PTPN18: variants seen among roughly 807,000 people sequenced by gnomAD.
The protein encoded by PTPN18 is protein tyrosine phosphatase non-receptor type 18, also known as tyrosine-protein phosphatase non-receptor type 18.
PTPN18 carries 65 observed loss-of-function variants against 65.4 expected under a neutral mutation model. The ratio of observed to expected loss-of-function variants is 0.99; its 90% CI spans 0.81 to 1.22. The LOEUF (loss-of-function observed/expected upper bound fraction) is 1.22. Among genes scored for constraint, PTPN18 ranks in the 50% most tolerant of loss-of-function variants. The pLI, the probability that PTPN18 is intolerant of heterozygous loss-of-function variation, is 0.00. For synonymous variants in PTPN18, 255 were observed against 267.8 expected, an observed-to-expected ratio of 0.95 and a Z score of 0.47; for missense variants, 616 against 646.5, an observed-to-expected ratio of 0.95 and a Z score of 0.51.
intron 12 of PTPN18, 184 bp from the exon 13 acceptor site, chr2:130,372,073 T>TCCC: frequency 1.8e-6 from 1 of 546,604 alleles, no homozygotes; most frequent in South Asian, 2.3e-5. Context: ...TCCTCCTTCA[T>TCCC]CCCCCTAACT....
At chr2:130,359,820 C>T (rs1680139543) in intron 5 of PTPN18, 174 bp downstream of exon 5, 2 of 780,816 alleles carry the variant, frequency 2.6e-6, no homozygotes, top group Non-Finnish European at 4.1e-6. Flanking sequence ...TATTCATCCC[C>T]CAGTGTTGGC....
chr2:130,369,264 A>T, intron 6 of PTPN18, 63 bp downstream of exon 6: 2 of 1,471,500 alleles, frequency 1.4e-6, no homozygotes, highest in Non-Finnish European at 1.9e-6. Context: ...TGGGCCTAAA[A>T]GGTTGAATGA....
chr2:130,372,985 G>A lies in PTPN18; in HGVS notation c.1315+38G>A, dbSNP rs57702732. The A allele has an allele frequency of 5.3e-3, 8,512 of 1,610,844 alleles. 381 individuals carry two copies. In the African/African-American group the frequency reaches 0.1, roughly 19 times the overall value. On this transcript the variant is annotated intron_variant, in intron 14 of 14. Coordinates refer to ENST00000175756, the MANE Select transcript of PTPN18 (RefSeq NM_014369.4). ...GAGCCTGGGTTGCTGGGACTTTGCT[G>A]CTTTGAGTGAACCCAGGAGTCTGGG...
At chr2:130,369,997 C>CT (rs766733377) in intron 7 of PTPN18, 51 bp from the exon 8 acceptor site, 3 of 1,604,802 alleles carry the variant, frequency 1.9e-6, no homozygotes, top group South Asian at 2.2e-5. Flanking sequence ...CCAATTAATG[C>CT]TTTTTTCTTT....
At chr2:130,370,525 C>G in intron 8 of PTPN18, 32 bp from the exon 9 acceptor site, 1 of 1,613,954 alleles carries the variant, frequency 6.2e-7, no homozygotes, top group South Asian at 1.1e-5. Flanking sequence ...GTGGTCAGGA[C>G]CTGACCAGGC....
chr2:130,372,157 G>A (rs572676743), intron 12 of PTPN18, 100 bp from the exon 13 acceptor site: 2 of 1,192,154 alleles, frequency 1.7e-6, no homozygotes, highest in Non-Finnish European at 2.3e-6. Context: ...GCACCGCCTC[G>A]GCGGGAAGGA....
Position 130,373,462 on chromosome 2 carries a change from T to A in PTPN18, c.*238T>A. The A allele has an allele frequency of 2.3e-6, 1 of 426,844 alleles. No individual in the cohort carries two copies. The highest frequency in any genetic ancestry group is 4.1e-5 in the Admixed American group (1 of 24,146). 26.4% of individuals were successfully genotyped at this position (426,844 alleles called of 1,614,324 possible). A position where few individuals can be genotyped will look rare whatever the true frequency, so the allele number is the denominator to read the frequency against. On this transcript the variant is annotated 3_prime_UTR_variant, in exon 15 of 15. Coordinates refer to ENST00000175756, the MANE Select transcript of PTPN18 (RefSeq NM_014369.4). This position sits in a 1 kb window ranked among gnomAD's most constrained non-coding sequence, Gnocchi z 4.1. Reference sequence around the variant, plus strand: ...CACAGAGCAGATTCAAGAAAGAAGATCAGGAAGGGGCATGACCCCTGAGTT... The same window carrying A: ...CACAGAGCAGATTCAAGAAAGAAGAACAGGAAGGGGCATGACCCCTGAGTT...
At chr2:130,368,059 C>A (rs554147086) in intron 5 of PTPN18, among the ~76,000 whole-genome samples, 2 of 151,260 alleles carry the variant, frequency 1.3e-5, no homozygotes, top group African/African-American at 4.9e-5. Flanking sequence ...TTTTATTTTT[C>A]CTCTTTATAA....
At chr2:130,357,569 A>T (rs963866124) in intron 1 of PTPN18, among the ~76,000 whole-genome samples, 1 of 152,240 alleles carries the variant, frequency 6.6e-6, no homozygotes, top group Non-Finnish European at 1.5e-5. Context: ...AAAATATGTA[A>T]CAGATGGCCG....
At chr2:130,368,870 C>T (rs1680465212) in intron 5 of PTPN18, 1 of 338,146 alleles carries the variant, frequency 3.0e-6, no homozygotes. Flanking sequence ...AATAGTGGCT[C>T]ATGTATTTTG....
At position 130,374,666 on chromosome 2, in the gene PTPN18, G is replaced by T. The variant is rs779214186; in HGVS notation, c.*1442G>T. On this transcript the variant is annotated 3_prime_UTR_variant, in exon 15 of 15. Transcript: ENST00000175756. ...AGGGTCCCGCCCCTCTCACTTTCAG[G>T]TCTCTGGACCTCTGACTGACACTGT... 3 of 471,468 alleles carry T rather than the reference G, an allele frequency of 6.4e-6. No homozygotes were observed. The highest frequency in any genetic ancestry group is 3.2e-4 in the Middle Eastern group (1 of 3,080). 29.2% of individuals were successfully genotyped at this position (471,468 alleles called of 1,614,324 possible). A position where few individuals can be genotyped will look rare whatever the true frequency, so the allele number is the denominator to read the frequency against.
chr2:130,370,160 C>T lies in PTPN18; in HGVS notation c.659C>T (p.Ser220Phe), dbSNP rs1336801135. 6.2e-7 allele frequency: 1 copy of T among 1,613,318 alleles called. No individual in the cohort carries two copies. Among genetic ancestry groups the T allele is most frequent in the Non-Finnish European group, 8.5e-7 (1 of 1,180,016 alleles). ...MVEEARRLQG[S>F]GPEPLCVHCS... Reference sequence around the variant, plus strand: ...GAGGAAGCCCGTCGCCTCCAGGGATCTGGCCCTGAACCCCTCTGTGTCCAC... The same window carrying T: ...GAGGAAGCCCGTCGCCTCCAGGGATTTGGCCCTGAACCCCTCTGTGTCCAC... The change falls in exon 8 of 15, where the codon TCT becomes TTT. Residue 220 changes from serine to phenylalanine, a missense_variant. Coordinates refer to ENST00000175756, the MANE Select transcript of PTPN18 (RefSeq NM_014369.4).
At chr2:130,370,010 T>C in intron 7 of PTPN18, 38 bp from the exon 8 acceptor site, 1 of 1,606,632 alleles carries the variant, frequency 6.2e-7, no homozygotes. Flanking sequence ...TTTTCTTTTT[T>C]TTCCTAAGTC....
rs1250570362 is a variant in PTPN18 at position 130,371,263 on chromosome 2, C to G, written c.989C>G (p.Pro330Arg). ...ACTCCCCAGGCACTTCTCGCCATACCCCGCCCACCAGGAGGGGTCCTCAGG... is the reference window on the plus strand; with the variant it reads ...ACTCCCCAGGCACTTCTCGCCATACGCCGCCCACCAGGAGGGGTCCTCAGG... ...LRTPQALLAI[P>R]RPPGGVLRSI... Residue 330 changes from proline to arginine, a missense_variant, in exon 12 of 15, where the codon CCC becomes CGC. Pro to Arg is a moderately radical substitution (Grantham distance 103, BLOSUM62 -2). This residue lies in a region of PTPN18 where 368 missense variants were observed against 386.7 expected (regional missense o/e 0.95). Coordinates refer to ENST00000175756, the MANE Select transcript of PTPN18 (RefSeq NM_014369.4). 1 of 1,607,172 alleles carries G rather than the reference C, an allele frequency of 6.2e-7. No homozygotes were observed. The highest frequency in any genetic ancestry group is 8.5e-7 in the Non-Finnish European group (1 of 1,176,816).
chr2:130,356,310 T>C, intron 1 of PTPN18, 110 bp downstream of exon 1: 1 of 762,634 alleles, frequency 1.3e-6, no homozygotes, highest in Non-Finnish European at 1.9e-6. Flanking sequence ...CCCCGGTGTC[T>C]CCCCGCCTCG....
chr2:130,370,266 C>G lies in PTPN18; in HGVS notation c.689+76C>G, dbSNP rs916005469. The G allele has an allele frequency of 6.3e-6, 10 of 1,580,844 alleles. No homozygotes were observed. The African/African-American group carries it at 1.3e-4, about 21-fold the overall frequency. On this transcript the variant is annotated intron_variant, in intron 8 of 14. Transcript: ENST00000175756. ...ATGGAGGGGAGTACAGGGCATGGGG[C>G]TAGTCTTGTAGTCTGAGTGCCTATT...
intron 12 of PTPN18, 181 bp from the exon 13 acceptor site, chr2:130,372,076 C>T: frequency 1.8e-6 from 1 of 556,266 alleles, no homozygotes; most frequent in Non-Finnish European, 3.1e-6. Context: ...TCCTTCATCC[C>T]CCTAACTTGC....
intron 5 of PTPN18, chr2:130,359,911 C>A (rs1680141980): frequency 1.9e-6 from 1 of 526,594 alleles, no homozygotes; most frequent in East Asian, 3.3e-5. Flanking sequence ...CCTGTAGGCT[C>A]TGATCTCTCT....
chr2:130,371,466 AC>A (rs1326153513), intron 12 of PTPN18, among the ~76,000 whole-genome samples, 179 bp downstream of exon 12: 1 of 152,106 alleles, frequency 6.6e-6, no homozygotes, highest in African/African-American at 2.4e-5. Context: ...TGATTCATTT[AC>A]CCCTTGCCTC....
Sources: gnomAD v4.1 joint callset for allele counts (sites outside exome capture counted in the v4.1 genomes callset) on GRCh38, gnomAD v4.1.1 for gene constraint, gnomAD v4.1.1 regional missense constraint, Gnocchi (gnomAD v3.1) non-coding constraint, MANE v1.5 for transcripts, NCBI Gene and HGNC (gene_info 2026-07-23, HGNC 2026-07-21) for gene names.